The following ZNF830 variants were observed in gnomAD, a reference collection of about 807,000 sequenced individuals.
ZNF830 encodes coiled-coil domain containing 16.
ZNF830 carries 15 observed loss-of-function variants against 28.1 expected under a neutral mutation model. The ratio of observed to expected loss-of-function variants is 0.53; its 90% CI spans 0.36 to 0.82. The LOEUF (loss-of-function observed/expected upper bound fraction) is 0.82. ZNF830 is among the 40% of genes least tolerant of loss of function. The probability of loss-of-function intolerance (pLI) is 0.01; values close to 1 mark genes in which losing one functional copy is unlikely to be tolerated. For missense variants in ZNF830, 456 were observed against 467.7 expected (o/e 0.97, Z 0.23); for synonymous variants, 208 against 185.3 (o/e 1.12, Z -0.99).
In ZNF830 at chr17:34,961,635, G is replaced by A. The variant is rs1217293861; in HGVS notation, c.69G>A (p.Arg23=). ...TGATAAATCAGGAAGAATTGCGGCG[G>A]TTAATGAAGGAGAAGCAGCGTCTGA... ...KRVINQEELR[R]LMKEKQRLST... is the part of the protein sequence containing the mutation. The change falls in exon 1 of 1, where the codon CGG becomes CGA. Residue 23 remains arginine, a synonymous_variant. Transcript: ENST00000361952. The A allele has an allele frequency of 6.2e-7, 1 of 1,614,224 alleles. No individual in the cohort carries two copies. The highest frequency in any genetic ancestry group is 1.7e-5 in the Admixed American group (1 of 60,032).
chr17:34,962,535 T>C lies in ZNF830; in HGVS notation c.969T>C (p.Asn323=). Residue 323 remains asparagine (N), a synonymous_variant, in exon 1 of 1, where the codon AAT becomes AAC. Transcript: ENST00000361952. ...ACCGACGGGTGGAAAAGCTACGGAA[T>C]CGCCAGGATGAAATAAAAAATAAAC... is the stretch of plus-strand genomic sequence containing the variant. ...ECYRRVEKLR[N]RQDEIKNKLK... 6.2e-7 allele frequency: 1 copy of C among 1,613,928 alleles called. No individual in the cohort carries two copies.
chr17:34,962,793 G>A lies in ZNF830; in HGVS notation c.*108G>A, dbSNP rs1011583847. ...GCCTCAAGATTTGGGTACCTGGATT[G>A]CTAAACTGGATTGTTGAGATAAAAT... is the stretch of plus-strand genomic sequence containing the variant. On this transcript the variant is annotated 3_prime_UTR_variant, in exon 1 of 1. Coordinates refer to ENST00000361952, the MANE Select transcript of ZNF830 (RefSeq NM_052857.4). The A allele has an allele frequency of 6.8e-7, 1 of 1,474,152 alleles. No individual in the cohort carries two copies. The highest frequency in any genetic ancestry group is 1.4e-5 in the African/African-American group (1 of 70,188). 91.3% of individuals were successfully genotyped at this position (1,474,152 alleles called of 1,614,324 possible). A position where few individuals can be genotyped will look rare whatever the true frequency, so the allele number is the denominator to read the frequency against.
chr17:34,962,073 G>A lies in ZNF830; in HGVS notation c.507G>A (p.Glu169=), dbSNP rs2090427712. The A allele has an allele frequency of 6.2e-7, 1 of 1,614,022 alleles. No homozygotes were observed. The highest frequency in any genetic ancestry group is 1.3e-5 in the African/African-American group (1 of 74,916). ...ATGAGGAGGAGGAGGAAGAGGAGGA[G>A]GAAGGAGATGGAGAAAGAAAAAGGG... is the stretch of plus-strand genomic sequence containing the variant. The part of the protein sequence containing the change: ...YEDEEEEEEE[E]EGDGERKRGD... Residue 169 remains glutamate (E), a synonymous_variant, in exon 1 of 1, where the codon GAG becomes GAA. Transcript: ENST00000361952.
In ZNF830 at chr17:34,962,414, A is replaced by C. The variant is rs1476101269; in HGVS notation, c.848A>C (p.Gln283Pro). ...GACGAATTCCAAAAAGCCATGAGGC[A>C]GGTCAACACTATTTCCGAAGCCATA... ...EWDEFQKAMRQVNTISEAIVA... is the reference protein window; with the variant it reads ...EWDEFQKAMRPVNTISEAIVA... The change falls in exon 1 of 1, where the codon CAG (glutamine) becomes CCG (proline). Residue 283 changes from glutamine to proline, a missense_variant. Gln to Pro is a moderately conservative substitution (Grantham distance 76). Coordinates refer to ENST00000361952, the MANE Select transcript of ZNF830 (RefSeq NM_052857.4). 1.9e-6 allele frequency: 3 copies of C among 1,614,140 alleles called. No homozygotes were observed. Among genetic ancestry groups the C allele is most frequent in the Non-Finnish European group, 2.5e-6 (3 of 1,180,056 alleles).
rs2090440188 is a variant in ZNF830, at chr17:34,963,343, G to A, written c.*658G>A. The A allele has an allele frequency of 6.6e-6, 1 of 152,348 alleles. No homozygotes were observed. Among genetic ancestry groups the A allele is most frequent in the Admixed American group, 6.5e-5 (1 of 15,268 alleles). The allele number at this position is 152,348 out of a possible 1,614,324, so 9.4% of individuals were successfully genotyped here. A position where few individuals can be genotyped will look rare whatever the true frequency, so the allele number is the denominator to read the frequency against. On this transcript the variant is annotated 3_prime_UTR_variant, in exon 1 of 1. Transcript: ENST00000361952. ...AGGCCTTCCCCTTCAATAAATCTGG[G>A]ATTGGGCCCAGGCAACTGTGTTTTT...
At position 34,962,892 on chromosome 17, in the gene ZNF830, G is replaced by C. The variant is rs1185334249; in HGVS notation, c.*207G>C. On this transcript the variant is annotated 3_prime_UTR_variant, in exon 1 of 1. Transcript: ENST00000361952. Reference sequence around the variant, plus strand: ...AGGTAAAGTTGTTTTTGAAATTTCTGAAGTGTTATATACCAAAATGCCAAC... The same window carrying C: ...AGGTAAAGTTGTTTTTGAAATTTCTCAAGTGTTATATACCAAAATGCCAAC... The C allele has an allele frequency of 2.3e-6, 2 of 868,518 alleles. No individual in the cohort carries two copies. Among genetic ancestry groups the C allele is most frequent in the Non-Finnish European group, 3.2e-6 (2 of 620,084 alleles). The allele number at this position is 868,518 out of a possible 1,614,324, so 53.8% of individuals were successfully genotyped here.
Position 34,961,619 on chromosome 17 carries a change from AG to A in ZNF830, c.55del (p.Glu19LysfsTer6). The A allele has an allele frequency of 6.2e-7, 1 of 1,614,212 alleles. No homozygotes were observed. The highest frequency in any genetic ancestry group is 8.5e-7 in the Non-Finnish European group (1 of 1,180,036). On this transcript the variant is annotated frameshift_variant, in exon 1 of 1. Transcript: ENST00000361952. LOFTEE classifies it high-confidence loss of function. ...CCGGCAGGGAAGCGAGTGATAAATCAGGAAGAATTGCGGCGGTTAATGAAGG... is the reference window on the plus strand; with the variant it reads ...CCGGCAGGGAAGCGAGTGATAAATCAGAAGAATTGCGGCGGTTAATGAAGG... Reference protein sequence around the residue: ...RTPAGKRVINQEELRRLMKEK... With the variant: ...RTPAGKRVINXEELRRLMKEK...
chr17:34,961,549 T>TA lies in ZNF830; in HGVS notation c.-18_-17insA, dbSNP rs755965297. On this transcript the variant is annotated 5_prime_UTR_variant, in exon 1 of 1. It adds an upstream start codon to the 5' untranslated region. Coordinates refer to ENST00000361952, the MANE Select transcript of ZNF830 (RefSeq NM_052857.4). ...TCGCCCGACGGAAACCAGAATCGTT[T>TA]TGGGTCTGGTCGCCAAGATGGCGTC... 3.7e-6 allele frequency: 6 copies of TA among 1,610,760 alleles called. No homozygotes were observed. In the South Asian group the frequency reaches 4.4e-5, roughly 12 times the overall value.
chr17:34,962,243 T>C lies in ZNF830; in HGVS notation c.677T>C (p.Ile226Thr). 10 of 1,613,844 alleles carry C rather than the reference T, an allele frequency of 6.2e-6. No individual in the cohort carries two copies. Among genetic ancestry groups the C allele is most frequent in the Non-Finnish European group, 8.5e-6 (10 of 1,180,016 alleles). ...KAPIIPHSGS[I>T]EKAEIHEKVV... Reference sequence around the variant, plus strand: ...CCCATAATTCCTCATTCAGGGTCAATTGAGAAAGCAGAAATACATGAAAAA... The same window carrying C: ...CCCATAATTCCTCATTCAGGGTCAACTGAGAAAGCAGAAATACATGAAAAA... The change falls in exon 1 of 1, where the codon ATT (isoleucine) becomes ACT (threonine). Residue 226 changes from isoleucine to threonine, a missense_variant. Physicochemically the swap from Ile to Thr is moderately conservative, Grantham distance 89 (BLOSUM62 -1). Coordinates refer to ENST00000361952, the MANE Select transcript of ZNF830 (RefSeq NM_052857.4).
chr17:34,962,847 A>T lies in ZNF830; in HGVS notation c.*162A>T. The T allele has an allele frequency of 7.8e-7, 1 of 1,275,490 alleles. No individual in the cohort carries two copies. The highest frequency in any genetic ancestry group is 2.7e-5 in the East Asian group (1 of 37,304). The allele number at this position is 1,275,490 out of a possible 1,614,324, so 79.0% of individuals were successfully genotyped here. A position where few individuals can be genotyped will look rare whatever the true frequency, so the allele number is the denominator to read the frequency against. On this transcript the variant is annotated 3_prime_UTR_variant, in exon 1 of 1. Transcript: ENST00000361952. ...CCAGTGAGCTACAGCACTTTGGAAA[A>T]TTTGTGTAACATGTTTTTGAGGTAA...
In ZNF830 at chr17:34,963,413, C is replaced by T. The variant is rs1430146464; in HGVS notation, c.*728C>T. On this transcript the variant is annotated 3_prime_UTR_variant, in exon 1 of 1. Coordinates refer to ENST00000361952, the MANE Select transcript of ZNF830 (RefSeq NM_052857.4). The stretch of plus-strand genomic sequence containing the variant: ...AATATATGCCAGGGTTAGAGAGTAA[C>T]TGCCCTAAATCCAGAACCCATTTAT... 1 of 152,236 alleles carries T rather than the reference C, an allele frequency of 6.6e-6. No homozygotes were observed. Among genetic ancestry groups the T allele is most frequent in the Non-Finnish European group, 1.5e-5 (1 of 68,048 alleles). The allele number at this position is 152,236 out of a possible 1,614,324, so 9.4% of individuals were successfully genotyped here. A position where few individuals can be genotyped will look rare whatever the true frequency, so the allele number is the denominator to read the frequency against.
chr17:34,962,008 A>T lies in ZNF830; in HGVS notation c.442A>T (p.Ser148Cys). 1 of 1,614,190 alleles carries T rather than the reference A, an allele frequency of 6.2e-7. No individual in the cohort carries two copies. Residue 148 changes from serine to cysteine, a missense_variant, in exon 1 of 1, where the codon AGT becomes TGT. Coordinates refer to ENST00000361952, the MANE Select transcript of ZNF830 (RefSeq NM_052857.4). Reference protein sequence around the residue: ...IGKEFIRATPSKPSGLSLLPD... With the variant: ...IGKEFIRATPCKPSGLSLLPD... ...AAAGGAGTTCATTAGAGCGACTCCC[A>T]GTAAGCCTTCAGGACTCAGTTTACT...
Position 34,961,580 on chromosome 17 carries a change from CCTCCGCCCGGA to C in ZNF830, c.20_30del (p.Ala7GlyfsTer47). 6.2e-7 allele frequency: 1 copy of C among 1,613,780 alleles called. No individual in the cohort carries two copies. The highest frequency in any genetic ancestry group is 8.5e-7 in the Non-Finnish European group (1 of 1,179,726). On this transcript the variant is annotated frameshift_variant, in exon 1 of 1. Transcript: ENST00000361952. LOFTEE classifies it high-confidence loss of function. ...CTGGTCGCCAAGATGGCGTCCTCCG[CCTCCGCCCGGA>C]CTCCGGCAGGGAAGCGAGTGATAAA...
chr17:34,962,064 A>AGAG lies in ZNF830; in HGVS notation c.507_509dup (p.Glu170dup). On this transcript the variant is annotated inframe_insertion, in exon 1 of 1. Coordinates refer to ENST00000361952, the MANE Select transcript of ZNF830 (RefSeq NM_052857.4). The stretch of plus-strand genomic sequence containing the variant: ...ATTATGAAGATGAGGAGGAGGAGGA[A>AGAG]GAGGAGGAGGAAGGAGATGGAGAAA... 3 of 1,613,622 alleles carry AGAG rather than the reference A, an allele frequency of 1.9e-6. No individual in the cohort carries two copies. The highest frequency in any genetic ancestry group is 4.5e-5 in the East Asian group (2 of 44,868).
chr17:34,963,127 C>G lies in ZNF830; in HGVS notation c.*442C>G, dbSNP rs957042732. The G allele has an allele frequency of 1.2e-5, 2 of 169,024 alleles. No homozygotes were observed. The highest frequency in any genetic ancestry group is 2.9e-5 in the Non-Finnish European group (2 of 69,646). The allele number at this position is 169,024 out of a possible 1,614,324, so 10.5% of individuals were successfully genotyped here. A position where few individuals can be genotyped will look rare whatever the true frequency, so the allele number is the denominator to read the frequency against. ...GTTGAAAAGGTTTGTTTTCTTGTTT[C>G]TTTGGTTTTTGTATGGTTTTTTAGA... is the stretch of plus-strand genomic sequence containing the variant. On this transcript the variant is annotated 3_prime_UTR_variant, in exon 1 of 1. Coordinates refer to ENST00000361952, the MANE Select transcript of ZNF830 (RefSeq NM_052857.4).
Position 34,962,648 on chromosome 17 carries a change from T to C in ZNF830, c.1082T>C (p.Leu361Ser). ...GATGAGGGGGAACTACAGGATTTGT[T>C]GTCTCAGGATTGGAGGGTGAAAGGG... ...SDDEGELQDL[L>S]SQDWRVKGAL... Residue 361 changes from leucine (L) to serine (S), a missense_variant, in exon 1 of 1, where the codon TTG (leucine) becomes TCG (serine). Around this residue, in one of 2 missense-constraint regions of ZNF830, gnomAD observed 125 missense variants for 177.7 expected, o/e 0.70. Coordinates refer to ENST00000361952, the MANE Select transcript of ZNF830 (RefSeq NM_052857.4). 2 of 1,609,960 alleles carry C rather than the reference T, an allele frequency of 1.2e-6. No individual in the cohort carries two copies. The highest frequency in any genetic ancestry group is 1.7e-6 in the Non-Finnish European group (2 of 1,178,580).
Position 34,961,592 on chromosome 17 carries a change from C to T in ZNF830, c.26C>T (p.Thr9Ile), listed in dbSNP as rs150545286. Residue 9 changes from threonine (T) to isoleucine (I), a missense_variant, in exon 1 of 1, where the codon ACT becomes ATT. Around this residue, in one of 2 missense-constraint regions of ZNF830, gnomAD observed 331 missense variants for 290.1 expected, o/e 1.14. Transcript: ENST00000361952. MASSASAR[T>I]PAGKRVINQE... ...ATGGCGTCCTCCGCCTCCGCCCGGA[C>T]TCCGGCAGGGAAGCGAGTGATAAAT... is the stretch of plus-strand genomic sequence containing the variant. 2 of 1,614,020 alleles carry T rather than the reference C, an allele frequency of 1.2e-6. No homozygotes were observed. The highest frequency in any genetic ancestry group is 1.7e-6 in the Non-Finnish European group (2 of 1,179,916).
Position 34,962,473 on chromosome 17 carries a change from C to A in ZNF830, c.907C>A (p.Arg303Ser). 1 of 1,614,066 alleles carries A rather than the reference C, an allele frequency of 6.2e-7. No individual in the cohort carries two copies. Among genetic ancestry groups the A allele is most frequent in the Non-Finnish European group, 8.5e-7 (1 of 1,180,026 alleles). Residue 303 changes from arginine to serine, a missense_variant, in exon 1 of 1, where the codon CGC becomes AGC. Arg to Ser is a moderately radical substitution (Grantham distance 110). Coordinates refer to ENST00000361952, the MANE Select transcript of ZNF830 (RefSeq NM_052857.4). ...AEEDEEGRLD[R>S]QIGEIDEQIE... The stretch of plus-strand genomic sequence containing the variant: ...AGAGGATGAGGAGGGACGGTTGGAC[C>A]GCCAGATTGGGGAGATCGATGAGCA...
chr17:34,962,890 C>A lies in ZNF830; in HGVS notation c.*205C>A. On this transcript the variant is annotated 3_prime_UTR_variant, in exon 1 of 1. Transcript: ENST00000361952. The stretch of plus-strand genomic sequence containing the variant: ...TGAGGTAAAGTTGTTTTTGAAATTT[C>A]TGAAGTGTTATATACCAAAATGCCA... The A allele has an allele frequency of 1.1e-6, 1 of 916,178 alleles. No homozygotes were observed. The highest frequency in any genetic ancestry group is 1.5e-6 in the Non-Finnish European group (1 of 662,642). The allele number at this position is 916,178 out of a possible 1,614,324, so 56.8% of individuals were successfully genotyped here.
Sources: allele counts gnomAD v4.1 joint callset, GRCh38; gene constraint gnomAD v4.1.1; regional missense constraint gnomAD v4.1.1; transcripts MANE v1.5; gene names NCBI Gene and HGNC (gene_info 2026-07-23, HGNC 2026-07-21).